Variants in DCAF4 observed in about 807,000 individuals in gnomAD.
The protein encoded by DCAF4 is DDB1- and CUL4-associated factor 4.
Under a neutral mutation model 60.9 loss-of-function variants are expected in DCAF4, and 37 were observed. The observed-to-expected ratio is 0.61, with a 90% CI of 0.47 to 0.80. The LOEUF (loss-of-function observed/expected upper bound fraction) is 0.80. Ranked by LOEUF, DCAF4 falls within the 30% of genes least tolerant of loss-of-function variation. DCAF4 has a pLI of 0.00. For missense variants in DCAF4, 577 were observed against 650.0 expected, an observed-to-expected ratio of 0.89 and a Z score of 1.22; for synonymous variants, 243 against 254.8, an observed-to-expected ratio of 0.95 and a Z score of 0.44.
chr14:72,954,043 T>C (rs1276459793), intron 9 of DCAF4, 121 bp from the exon 10 acceptor site: 8 of 1,039,676 alleles, frequency 7.7e-6, no homozygotes, highest in Non-Finnish European at 1.1e-5. Context: ...AAACCCAGAA[T>C]GGGGCCAAAG....
At chr14:72,944,200 C>G (rs772460878) in intron 6 of DCAF4, among the ~76,000 whole-genome samples, 1 of 152,106 alleles carries the variant, frequency 6.6e-6, no homozygotes, top group Non-Finnish European at 1.5e-5. Context: ...TGTGGTAGGT[C>G]GTCTCCATCA....
chr14:72,948,035 C>T (rs1182245962), intron 8 of DCAF4, among the ~76,000 whole-genome samples: 1 of 152,194 alleles, frequency 6.6e-6, no homozygotes, highest in Non-Finnish European at 1.5e-5. Flanking sequence ...CACCTACTTC[C>T]TGAGTTGTGG....
At chr14:72,947,535 G>A (rs551724398) in intron 8 of DCAF4, among the ~76,000 whole-genome samples, 55 of 152,348 alleles carry the variant, frequency 3.6e-4, no homozygotes, top group African/African-American at 1.3e-3. Flanking sequence ...ACTGTGGCGT[G>A]TGACGGGAGG....
At chr14:72,953,755 A>T (rs1891834239) in intron 9 of DCAF4, among the ~76,000 whole-genome samples, 1 of 65,234 alleles carries the variant, frequency 1.5e-5, no homozygotes, top group Non-Finnish European at 3.4e-5. Context: ...ATATATATAT[A>T]TATATATAGT....
At chr14:72,960,774 C>A, downstream of DCAF4, 1 of 680,738 alleles carries the variant, frequency 1.5e-6, no homozygotes. Context: ...GGGAAGAGGC[C>A]CAGGGACTGC....
At chr14:72,953,822 GTGTGTGTATA>G (rs1891900638) in intron 9 of DCAF4, among the ~76,000 whole-genome samples, 1 of 101,334 alleles carries the variant, frequency 9.9e-6, no homozygotes, top group Non-Finnish European at 1.9e-5. Context: ...GTGTGTGTGT[GTGTGTGTATA>G]TACACACACA....
intron 2 of DCAF4, 123 bp downstream of exon 2, chr14:72,938,193 T>G (rs1243300932): frequency 5.2e-6 from 7 of 1,356,442 alleles, no homozygotes; most frequent in Non-Finnish European, 6.9e-6. Context: ...AGGTTCTGAT[T>G]CTGTAGGTCT....
chr14:72,929,628 G>C, intron 1 of DCAF4: 1 of 1,238,554 alleles, frequency 8.1e-7, no homozygotes, highest in Non-Finnish European at 1.2e-6. Flanking sequence ...TTTCTTGGCA[G>C]CGGCTTTCCT....
intron 1 of DCAF4, among the ~76,000 whole-genome samples, chr14:72,930,878 T>C (rs1025758366): frequency 6.6e-6 from 1 of 152,196 alleles, no homozygotes; most frequent in African/African-American, 2.4e-5. Context: ...TTTCTTTCAT[T>C]GAATGGTCTT....
At chr14:72,949,145 C>T (rs74752514) in intron 8 of DCAF4, among the ~76,000 whole-genome samples, 5,701 of 152,306 alleles carry the variant, frequency 0.037, 156 homozygotes, top group Middle Eastern at 0.095. Flanking sequence ...ATCACATACT[C>T]AGATAGTCAA....
At chr14:72,953,563 A>G (rs1891722272) in intron 9 of DCAF4, among the ~76,000 whole-genome samples, 1 of 150,940 alleles carries the variant, frequency 6.6e-6, no homozygotes. Flanking sequence ...ATAAATAATT[A>G]GCCATGTGTG....
intron 6 of DCAF4, among the ~76,000 whole-genome samples, chr14:72,945,474 T>TAA (rs34392033): frequency 2.3e-4 from 33 of 143,294 alleles, no homozygotes; most frequent in East Asian, 8.2e-4. Flanking sequence ...TTCATGGTGG[T>TAA]AAAAAAAAAA....
chr14:72,947,636 G>A (rs1890907625), intron 8 of DCAF4, among the ~76,000 whole-genome samples: 1 of 152,230 alleles, frequency 6.6e-6, no homozygotes, highest in African/African-American at 2.4e-5. Context: ...ACAGCCTTGG[G>A]GAGGAAGCCC....
intron 1 of DCAF4, among the ~76,000 whole-genome samples, chr14:72,933,257 G>T (rs1888807231): frequency 6.6e-6 from 1 of 152,130 alleles, no homozygotes; most frequent in Non-Finnish European, 1.5e-5. Flanking sequence ...TGCATACTGG[G>T]TTTTATATTA....
intron 1 of DCAF4, among the ~76,000 whole-genome samples, chr14:72,928,413 CACA>C (rs1887976203): frequency 6.7e-6 from 1 of 148,254 alleles, no homozygotes; most frequent in African/African-American, 2.5e-5. Flanking sequence ...AGGATGGTCT[CACA>C]TATCTGCCGA....
chr14:72,950,684 G>C lies in DCAF4; in HGVS notation c.729-1114G>C, dbSNP rs538089386. Among the ~76,000 whole-genome samples the C allele has an allele frequency of 6.6e-5, 10 of 152,266 alleles. No homozygotes were observed. In the East Asian group the frequency reaches 1.5e-3, roughly 24 times the overall value. On this transcript the variant is annotated intron_variant, in intron 8 of 13. Coordinates refer to ENST00000358377, the MANE Select transcript of DCAF4 (RefSeq NM_015604.4). ...CAACGACTATGCTCATGTGAACAGA[G>C]ACACCCACATGTAGTCAGGGAAATG... is the stretch of plus-strand genomic sequence containing the variant.
rs967070061 is a variant in DCAF4 at position 72,937,912 on chromosome 14, A to T, written c.-8-59A>T. On this transcript the variant is annotated intron_variant, in intron 1 of 13. Coordinates refer to ENST00000358377, the MANE Select transcript of DCAF4 (RefSeq NM_015604.4). ...GCATGAAGCAGCTGCCAAGAAGCAA[A>T]CAGAAAAGCCCATGCCCACACACAG... 6.0e-6 allele frequency: 9 copies of T among 1,496,730 alleles called. No homozygotes were observed. The Admixed American group carries it at 1.9e-4, about 31-fold the overall frequency. 92.7% of individuals were successfully genotyped at this position (1,496,730 alleles called of 1,614,324 possible).
Position 72,958,811 on chromosome 14 carries a change from C to T in DCAF4, c.*6C>T, listed in dbSNP as rs1366141721. 3 of 1,549,406 alleles carry T rather than the reference C, an allele frequency of 1.9e-6. No homozygotes were observed. Among genetic ancestry groups the T allele is most frequent in the Non-Finnish European group, 2.6e-6 (3 of 1,151,070 alleles). Reference sequence around the variant, plus strand: ...ACTGTTACTCCTACAGCTAATTCTGCAGGGCACAGCCCAGAGCCATGTGGA... The same window carrying T: ...ACTGTTACTCCTACAGCTAATTCTGTAGGGCACAGCCCAGAGCCATGTGGA... On this transcript the variant is annotated 3_prime_UTR_variant, in exon 14 of 14. Coordinates refer to ENST00000358377, the MANE Select transcript of DCAF4 (RefSeq NM_015604.4).
intron 8 of DCAF4, among the ~76,000 whole-genome samples, chr14:72,949,405 G>A (rs1225491118): frequency 6.6e-6 from 1 of 152,202 alleles, no homozygotes; most frequent in Non-Finnish European, 1.5e-5. Flanking sequence ...GCAGTGAGCT[G>A]TGATCACACT....
Sources: gnomAD v4.1 joint callset for allele counts (sites outside exome capture counted in the v4.1 genomes callset) on GRCh38, gnomAD v4.1.1 for gene constraint, MANE v1.5 for transcripts, NCBI Gene and HGNC (gene_info 2026-07-23, HGNC 2026-07-21) for gene names.